The following MB21D2 variants were observed in gnomAD, a reference collection of about 807,000 sequenced individuals.
MB21D2 encodes Mab-21 domain containing 2.
In MB21D2, 9 loss-of-function variants were observed where a neutral mutation model predicts 33.3. That is an observed-to-expected ratio of 0.27 (90% CI 0.16 to 0.47). MB21D2 has a LOEUF of 0.47. MB21D2 is among the 20% of genes least tolerant of loss of function. MB21D2 has a pLI of 0.99. For synonymous variants in MB21D2, 241 were observed against 236.3 expected (o/e 1.02, Z -0.18); for missense variants, 540 against 624.6 (o/e 0.86, Z 1.44).
At chr3:192,909,434 A>G (rs1046115869) in intron 1 of MB21D2, among the ~76,000 whole-genome samples, 1 of 152,226 alleles carries the variant, frequency 6.6e-6, no homozygotes, top group Non-Finnish European at 1.5e-5. Flanking sequence ...AACAACTGTA[A>G]TGTGAAATAA....
chr3:192,837,008 A>C (rs901388774), intron 1 of MB21D2, among the ~76,000 whole-genome samples: 1 of 152,152 alleles, frequency 6.6e-6, no homozygotes, highest in Non-Finnish European at 1.5e-5. Flanking sequence ...TCCAAACGGC[A>C]TACATCAAAG....
intron 1 of MB21D2, among the ~76,000 whole-genome samples, chr3:192,802,718 T>G (rs1711584476): frequency 2.0e-5 from 3 of 152,232 alleles, no homozygotes; most frequent in Admixed American, 2.0e-4. Flanking sequence ...TTTTCATTAT[T>G]TTATGAACTC....
In MB21D2 at chr3:192,797,527, T is replaced by C. The variant is rs1244824066; in HGVS notation, c.*859A>G. ...CAAATGCAAAGAATCATTTCACTGATAGAAATGGGCAAAATGAAAAAATGA... is the reference window on the plus strand; with the variant it reads ...CAAATGCAAAGAATCATTTCACTGACAGAAATGGGCAAAATGAAAAAATGA... On this transcript the variant is annotated 3_prime_UTR_variant, in exon 2 of 2. Transcript: ENST00000392452. The C allele has an allele frequency of 2.0e-5, 3 of 152,596 alleles. No individual in the cohort carries two copies. The highest frequency in any genetic ancestry group is 2.9e-5 in the Non-Finnish European group (2 of 68,022). 9.5% of individuals were successfully genotyped at this position (152,596 alleles called of 1,614,324 possible). A position where few individuals can be genotyped will look rare whatever the true frequency, so the allele number is the denominator to read the frequency against.
chr3:192,820,094 T>C (rs773039905), intron 1 of MB21D2, among the ~76,000 whole-genome samples: 1 of 152,142 alleles, frequency 6.6e-6, no homozygotes, highest in Non-Finnish European at 1.5e-5. Context: ...CATAAATAAG[T>C]GTGTTTGTGT....
chr3:192,870,027 A>G (rs1713255986), intron 1 of MB21D2, among the ~76,000 whole-genome samples: 1 of 152,242 alleles, frequency 6.6e-6, no homozygotes, highest in Non-Finnish European at 1.5e-5. Flanking sequence ...ACTTATCAGA[A>G]AGCCTAGCTG....
intron 1 of MB21D2, among the ~76,000 whole-genome samples, chr3:192,841,721 T>C (rs1712576504): frequency 6.6e-6 from 1 of 152,234 alleles, no homozygotes; most frequent in African/African-American, 2.4e-5. Flanking sequence ...TAATATGTAT[T>C]TGTTGTTTTA....
At chr3:192,854,800 T>C (rs1424592172) in intron 1 of MB21D2, among the ~76,000 whole-genome samples, 1 of 152,250 alleles carries the variant, frequency 6.6e-6, no homozygotes, top group Non-Finnish European at 1.5e-5. Flanking sequence ...CTACTCTGCC[T>C]GTGCTCTATA....
chr3:192,914,071 C>T (rs1714411378), intron 1 of MB21D2, among the ~76,000 whole-genome samples: 1 of 152,026 alleles, frequency 6.6e-6, no homozygotes, highest in African/African-American at 2.4e-5. Flanking sequence ...TAAAACAAAG[C>T]CTTTCCTCTG....
At chr3:192,838,849 C>G (rs941466483) in intron 1 of MB21D2, among the ~76,000 whole-genome samples, 2 of 152,122 alleles carry the variant, frequency 1.3e-5, no homozygotes, top group Admixed American at 6.5e-5. Flanking sequence ...AATCTTGGAG[C>G]AGGGATAGAA....
chr3:192,820,748 C>G (rs1165686365), intron 1 of MB21D2, among the ~76,000 whole-genome samples: 1 of 152,188 alleles, frequency 6.6e-6, no homozygotes, highest in South Asian at 2.1e-4. Flanking sequence ...ACTCGCGCTC[C>G]ACCCTGTTTT....
intron 1 of MB21D2, among the ~76,000 whole-genome samples, chr3:192,890,675 A>G (rs906696294): frequency 3.9e-5 from 6 of 152,086 alleles, no homozygotes; most frequent in African/African-American, 1.5e-4. Flanking sequence ...TCAATTTTGA[A>G]AGCCATGAAG....
At chr3:192,901,413 C>CAAAAAAAAAAAAAAAAAA (rs71635401) in intron 1 of MB21D2, among the ~76,000 whole-genome samples, 5 of 100,884 alleles carry the variant, frequency 5.0e-5, no homozygotes, top group Non-Finnish European at 3.9e-5. Flanking sequence ...ACTAAAAATT[C>CAAAAAAAAAAAAAAAAAA]AAAAAAAAAA....
intron 1 of MB21D2, among the ~76,000 whole-genome samples, chr3:192,890,165 T>C (rs1022189039): frequency 2.0e-5 from 3 of 152,108 alleles, no homozygotes; most frequent in Non-Finnish European, 4.4e-5. Context: ...TAGTGGAGCA[T>C]GTCCCTGCTT....
intron 1 of MB21D2, among the ~76,000 whole-genome samples, chr3:192,901,699 CACAGCACTAAAG>C (rs1714107279): frequency 6.6e-6 from 1 of 152,192 alleles, no homozygotes; most frequent in African/African-American, 2.4e-5. Context: ...AAGGGTCACT[CACAGCACTAAAG>C]AGGCCAATCC....
chr3:192,813,489 T>C (rs1158302134), intron 1 of MB21D2, among the ~76,000 whole-genome samples: 5 of 151,970 alleles, frequency 3.3e-5, no homozygotes, highest in African/African-American at 1.2e-4. Flanking sequence ...AAAAAGAAAA[T>C]GTTTTAACCT....
At chr3:192,856,606 T>G (rs1196051248) in intron 1 of MB21D2, among the ~76,000 whole-genome samples, 1 of 152,134 alleles carries the variant, frequency 6.6e-6, no homozygotes, top group Non-Finnish European at 1.5e-5. Context: ...CAGGCTGGAG[T>G]GCAGTGGTGC....
At chr3:192,860,303 G>C (rs1390471943) in intron 1 of MB21D2, among the ~76,000 whole-genome samples, 6 of 152,184 alleles carry the variant, frequency 3.9e-5, no homozygotes, top group African/African-American at 1.4e-4. Context: ...GCCACAAACT[G>C]CTAGGCAGAA....
chr3:192,910,298 CAAAAA>C (rs747554734), intron 1 of MB21D2, among the ~76,000 whole-genome samples: 75 of 52,290 alleles, frequency 1.4e-3, no homozygotes, highest in African/African-American at 3.3e-3. Context: ...ACCATCTCTA[CAAAAA>C]AAAAAAAAAA....
intron 1 of MB21D2, among the ~76,000 whole-genome samples, chr3:192,873,957 A>G (rs6808790): frequency 0.61 from 93,026 of 152,028 alleles, 30,353 homozygotes; most frequent in African/African-American, 0.84. Flanking sequence ...GCCTTGGCCG[A>G]CCAAAGTGCT....
Sources: gnomAD v4.1 joint callset for allele counts (sites outside exome capture counted in the v4.1 genomes callset) on GRCh38, gnomAD v4.1.1 for gene constraint, MANE v1.5 for transcripts, NCBI Gene and HGNC (gene_info 2026-07-23, HGNC 2026-07-21) for gene names.